The following PXDC1 variants were observed in gnomAD, a reference collection of about 807,000 sequenced individuals.
PXDC1 encodes PX domain-containing protein 1.
PXDC1 carries 13 observed loss-of-function variants against 24.4 expected under a neutral mutation model. The observed-to-expected ratio is 0.53, with a 90% confidence interval of 0.35 to 0.85. PXDC1 has a LOEUF of 0.85. PXDC1 is among the 40% of genes least tolerant of loss of function. PXDC1 has a pLI of 0.01. For missense variants in PXDC1, 344 were observed against 309.3 expected (o/e 1.11, Z -0.84); for synonymous variants, 162 against 124.9 (o/e 1.30, Z -1.98).
chr6:3,749,500 A>T (rs1193475756), intron 1 of PXDC1, among the ~76,000 whole-genome samples: 1 of 144,924 alleles, frequency 6.9e-6, no homozygotes, highest in African/African-American at 2.5e-5. Flanking sequence ...GACCCAGCAC[A>T]ACTAGGGCGA....
rs1760022519 is a variant in PXDC1 at position 3,724,832 on chromosome 6, GT to G, written c.579-1097del. The stretch of plus-strand genomic sequence containing the variant: ...ATGTCCCCCACAAACCTAGTACATC[GT>G]GCGAATCCCGCTGACCTCAAGGGAC... On this transcript the variant is annotated intron_variant, in intron 4 of 4. Transcript: ENST00000380283. This position sits in a 1 kb window ranked among gnomAD's most constrained non-coding sequence, Gnocchi z 4.5. Among the ~76,000 whole-genome samples the G allele has an allele frequency of 6.6e-6, 1 of 152,196 alleles. No individual in the cohort carries two copies. Among genetic ancestry groups the G allele is most frequent in the South Asian group, 2.1e-4 (1 of 4,828 alleles).
intron 1 of PXDC1, among the ~76,000 whole-genome samples, chr6:3,742,459 G>A (rs994678538): frequency 6.6e-6 from 1 of 152,108 alleles, no homozygotes; most frequent in Non-Finnish European, 1.5e-5. Flanking sequence ...GCCTGAGATC[G>A]CACGGATGAA....
intron 1 of PXDC1, chr6:3,751,047 A>C (rs1370787842): frequency 1.8e-5 from 8 of 452,942 alleles, no homozygotes; most frequent in Admixed American, 4.5e-5. Context: ...TTCCCGCCCC[A>C]TTTGGCTCCT....
Position 3,724,076 on chromosome 6 carries a change from A to G in PXDC1, c.579-340T>C, listed in dbSNP as rs1449166310. The stretch of plus-strand genomic sequence containing the variant: ...AACAAGGCAGGCAGGGTCTGTCCTC[A>G]GGGAAGAGGCGCCTGCCTCGTGCTG... On this transcript the variant is annotated intron_variant, in intron 4 of 4. Coordinates refer to ENST00000380283, the MANE Select transcript of PXDC1 (RefSeq NM_183373.4). The surrounding 1 kb of genome is among the most constrained non-coding windows in gnomAD (Gnocchi z 4.5). Among the ~76,000 whole-genome samples the G allele has an allele frequency of 6.6e-6, 1 of 152,188 alleles. No individual in the cohort carries two copies. Among genetic ancestry groups the G allele is most frequent in the Non-Finnish European group, 1.5e-5 (1 of 68,020 alleles).
At chr6:3,736,285 G>A (rs766942143) in intron 3 of PXDC1, among the ~76,000 whole-genome samples, 2 of 152,234 alleles carry the variant, frequency 1.3e-5, no homozygotes, top group South Asian at 4.1e-4. Context: ...GATGGACACA[G>A]GCCCCCTGCT....
At chr6:3,748,677 C>T (rs891338560) in intron 1 of PXDC1, among the ~76,000 whole-genome samples, 1 of 152,210 alleles carries the variant, frequency 6.6e-6, no homozygotes, top group Non-Finnish European at 1.5e-5. Context: ...GCAAGTGGGG[C>T]CAAGGCTCCC....
In PXDC1 at chr6:3,751,268, C is replaced by A; in HGVS notation, c.256+8G>T. 2 of 1,505,952 alleles carry A rather than the reference C, an allele frequency of 1.3e-6. No homozygotes were observed. The highest frequency in any genetic ancestry group is 1.8e-6 in the Non-Finnish European group (2 of 1,132,000). 93.3% of individuals were successfully genotyped at this position (1,505,952 alleles called of 1,614,324 possible). A position where few individuals can be genotyped will look rare whatever the true frequency, so the allele number is the denominator to read the frequency against. ...CCCCGCGCCCCTCCCGCGTCCCCGGCCCCGCACCTTGCCGCAGCGGCCCCT... is the reference window on the plus strand; with the variant it reads ...CCCCGCGCCCCTCCCGCGTCCCCGGACCCGCACCTTGCCGCAGCGGCCCCT... On this transcript the variant is annotated splice_region_variant and intron_variant, in intron 1 of 4. Coordinates refer to ENST00000380283, the MANE Select transcript of PXDC1 (RefSeq NM_183373.4).
At chr6:3,730,984 G>C (rs760526124) in intron 3 of PXDC1, among the ~76,000 whole-genome samples, 15 of 152,160 alleles carry the variant, frequency 9.9e-5, no homozygotes, top group South Asian at 2.1e-4. Flanking sequence ...CCATTCCAAA[G>C]GCCATTGTGC....
At chr6:3,744,261 C>T (rs1760514554) in intron 1 of PXDC1, among the ~76,000 whole-genome samples, 1 of 152,194 alleles carries the variant, frequency 6.6e-6, no homozygotes, top group Non-Finnish European at 1.5e-5. Flanking sequence ...GAAGGAAGCA[C>T]TTCAGTCGCT....
chr6:3,730,964 A>C (rs1760182221), intron 3 of PXDC1, among the ~76,000 whole-genome samples: 1 of 152,230 alleles, frequency 6.6e-6, no homozygotes, highest in Non-Finnish European at 1.5e-5. Context: ...TACAATGGAA[A>C]TAAAGGTATC....
chr6:3,731,480 A>G (rs1760194555), intron 3 of PXDC1, among the ~76,000 whole-genome samples: 2 of 152,258 alleles, frequency 1.3e-5, no homozygotes, highest in South Asian at 4.1e-4. Context: ...GACTGATTCC[A>G]TGAAATAGTT....
Position 3,737,871 on chromosome 6 carries a change from T to G in PXDC1, c.348+186A>C, listed in dbSNP as rs1760357339. ...CCACTGGAGCCCATGAAAGCCTTCT[T>G]TCTCCTGATTACACCTGCACACCTC... On this transcript the variant is annotated intron_variant, in intron 2 of 4. Transcript: ENST00000380283. The surrounding 1 kb of genome is among the most constrained non-coding windows in gnomAD (Gnocchi z 5.5). The G allele has an allele frequency of 2.0e-5, 5 of 250,334 alleles. No individual in the cohort carries two copies. Among genetic ancestry groups the G allele is most frequent in the Non-Finnish European group, 2.5e-5 (4 of 157,950 alleles). The allele number at this position is 250,334 out of a possible 1,614,324, so 15.5% of individuals were successfully genotyped here.
Position 3,725,800 on chromosome 6 carries a change from GAGAA to G in PXDC1, c.578+1747_578+1750del, listed in dbSNP as rs1441823870. On this transcript the variant is annotated intron_variant, in intron 4 of 4. Transcript: ENST00000380283. This position sits in a 1 kb window ranked among gnomAD's most constrained non-coding sequence, Gnocchi z 4.8. ...TGCACTGCCCGAGATTGAGGAGCCA[GAGAA>G]AGGCCCGGCAAGCCCAAGTCGGAAC... 6.6e-6 allele frequency among the ~76,000 whole-genome samples: 1 copy of G among 152,246 alleles called. No individual in the cohort carries two copies. The highest frequency in any genetic ancestry group is 1.5e-5 in the Non-Finnish European group (1 of 68,038).
Position 3,723,602 on chromosome 6 carries a change from A to T in PXDC1, c.*17T>A, listed in dbSNP as rs201329088. The T allele has an allele frequency of 9.7e-5, 152 of 1,567,576 alleles. No homozygotes were observed. The East Asian group carries it at 3.0e-3, about 31-fold the overall frequency. On this transcript the variant is annotated 3_prime_UTR_variant, in exon 5 of 5. Transcript: ENST00000380283. ...TGGCAGTGAACAGCTGAGGCGGGGG[A>T]GGCCTGATAGAGAGGTTCAGTCCCA... is the stretch of plus-strand genomic sequence containing the variant.
At chr6:3,734,748 C>A (rs1760277101) in intron 3 of PXDC1, among the ~76,000 whole-genome samples, 1 of 151,936 alleles carries the variant, frequency 6.6e-6, no homozygotes, top group African/African-American at 2.4e-5. Flanking sequence ...CATCGCAATC[C>A]CCATCAAAAT....
Position 3,723,709 on chromosome 6 carries a change from T to C in PXDC1, c.606A>G (p.Ser202=). Reference sequence around the variant, plus strand: ...CTGGGTCGTCCCCGTCCTCCAGCTCTGAGGGAAACTCACTGCCATTCTCAA... The same window carrying C: ...CTGGGTCGTCCCCGTCCTCCAGCTCCGAGGGAAACTCACTGCCATTCTCAA... ...HLFENGSEFP[S]ELEDGDDPAA... is the part of the protein sequence containing the mutation. The change falls in exon 5 of 5, where the codon TCA becomes TCG. Residue 202 remains serine (S), a synonymous_variant. Transcript: ENST00000380283. 1 of 1,614,176 alleles carries C rather than the reference T, an allele frequency of 6.2e-7. No homozygotes were observed.
chr6:3,739,150 C>T (rs927501146), intron 1 of PXDC1: 4 of 1,162,424 alleles, frequency 3.4e-6, no homozygotes, highest in East Asian at 5.9e-5. Context: ...TCAAGCAATT[C>T]GTTGAATAGG....
rs1760348733 is a variant in PXDC1, at chr6:3,737,571, A to C, written c.349-375T>G. On this transcript the variant is annotated intron_variant, in intron 2 of 4. Transcript: ENST00000380283. The surrounding 1 kb of genome is among the most constrained non-coding windows in gnomAD (Gnocchi z 5.5). The stretch of plus-strand genomic sequence containing the variant: ...GCTAAGGAGGTCTGCCTGGCGCTCA[A>C]GTCCAGGTTCTTAACCACCACTCAC... 1 of 758,390 alleles carries C rather than the reference A, an allele frequency of 1.3e-6. No individual in the cohort carries two copies. Among genetic ancestry groups the C allele is most frequent in the Non-Finnish European group, 1.6e-6 (1 of 622,654 alleles). 47.0% of individuals were successfully genotyped at this position (758,390 alleles called of 1,614,324 possible).
In PXDC1 at chr6:3,724,217, C is replaced by A. The variant is rs1011002111; in HGVS notation, c.579-481G>T. Among the ~76,000 whole-genome samples, 6 of 152,064 alleles carry A rather than the reference C, an allele frequency of 3.9e-5. No individual in the cohort carries two copies. The highest frequency in any genetic ancestry group is 6.5e-5 in the Admixed American group (1 of 15,278). Reference sequence around the variant, plus strand: ...GAACAGGAGGCTGGAGAAGAGCCGGCGAGGCCCGTGGAGGTCACGGGGGGA... The same window carrying A: ...GAACAGGAGGCTGGAGAAGAGCCGGAGAGGCCCGTGGAGGTCACGGGGGGA... On this transcript the variant is annotated intron_variant, in intron 4 of 4. Transcript: ENST00000380283. The surrounding 1 kb of genome is among the most constrained non-coding windows in gnomAD (Gnocchi z 4.5).
Sources: allele counts gnomAD v4.1 joint callset (sites outside exome capture counted in the v4.1 genomes callset), GRCh38; gene constraint gnomAD v4.1.1; non-coding constraint Gnocchi (gnomAD v3.1); transcripts MANE v1.5; gene names NCBI Gene and HGNC (gene_info 2026-07-23, HGNC 2026-07-21).